UGT1A8: variants seen among roughly 807,000 people sequenced by gnomAD.
UGT1A8 encodes the protein UDP-glucuronosyltransferase 1A8.
Under a neutral mutation model 45.3 loss-of-function variants are expected in UGT1A8, and 39 were observed. The ratio of observed to expected loss-of-function variants is 0.86; its 90% CI spans 0.67 to 1.12. The LOEUF (loss-of-function observed/expected upper bound fraction) is 1.12, where lower values mean the gene tolerates loss of function less well. UGT1A8 is among the 50% of genes most tolerant of loss of function. The pLI is 0.00. For synonymous variants in UGT1A8, 275 were observed against 249.2 expected, an observed-to-expected ratio of 1.10 and a Z score of -0.97; for missense variants, 719 against 664.9, an observed-to-expected ratio of 1.08 and a Z score of -0.90.
chr2:233,621,880 A>G (rs1260683747), intron 1 of UGT1A8, among the ~76,000 whole-genome samples: 3 of 151,962 alleles, frequency 2.0e-5, no homozygotes, highest in Non-Finnish European at 4.4e-5. Flanking sequence ...TCCCTTCCTC[A>G]GCCCCCCACC....
At chr2:233,692,730 T>C in intron 1 of UGT1A8, 1 of 933,346 alleles carries the variant, frequency 1.1e-6, no homozygotes, top group Non-Finnish European at 1.4e-6. Flanking sequence ...CTATAACTTT[T>C]CAGAGAGGGA....
At chr2:233,658,641 C>T (rs999889906) in intron 1 of UGT1A8, among the ~76,000 whole-genome samples, 6 of 152,280 alleles carry the variant, frequency 3.9e-5, no homozygotes, top group African/African-American at 1.4e-4. Flanking sequence ...CATGGTTAGA[C>T]TGGGGTTATA....
intron 1 of UGT1A8, among the ~76,000 whole-genome samples, chr2:233,739,319 A>G (rs1691051030): frequency 3.3e-5 from 5 of 152,150 alleles, no homozygotes; most frequent in Admixed American, 3.3e-4. Flanking sequence ...AGTTGTGAGA[A>G]GAAGGCCACA....
intron 1 of UGT1A8, chr2:233,747,822 C>T (rs1361602523): frequency 6.2e-7 from 1 of 1,613,368 alleles, no homozygotes; most frequent in Non-Finnish European, 8.5e-7. Context: ...CAATTCAGAC[C>T]ACATGACATT....
chr2:233,727,656 C>T (rs982873405), intron 1 of UGT1A8, among the ~76,000 whole-genome samples: 1 of 152,148 alleles, frequency 6.6e-6, no homozygotes, highest in Non-Finnish European at 1.5e-5. Context: ...CTTTCTAGTG[C>T]TCTATGTCCT....
intron 1 of UGT1A8, among the ~76,000 whole-genome samples, chr2:233,622,692 T>C (rs141243969): frequency 2.0e-5 from 3 of 152,352 alleles, no homozygotes; most frequent in Admixed American, 2.0e-4. Context: ...TTCACTCTGA[T>C]GATAGTTTCT....
intron 1 of UGT1A8, among the ~76,000 whole-genome samples, chr2:233,722,626 G>T (rs1272001840): frequency 1.3e-5 from 2 of 152,128 alleles, no homozygotes; most frequent in African/African-American, 4.8e-5. Context: ...TCTTAATGAA[G>T]CATTGAGGGC....
In UGT1A8 at chr2:233,767,076, G is replaced by A. The variant is rs770930440; in HGVS notation, c.898G>A (p.Val300Met). The A allele has an allele frequency of 8.1e-6, 13 of 1,614,020 alleles. No individual in the cohort carries two copies. The highest frequency in any genetic ancestry group is 1.6e-4 in the Middle Eastern group (1 of 6,082). ...TAATGCTTCTGGAGAACATGGAATT[G>A]TGGTTTTCTCTTTGGGATCAATGGT... is the stretch of plus-strand genomic sequence containing the variant. ...YINASGEHGI[V>M]VFSLGSMVSE... is the part of the protein sequence containing the mutation. The change falls in exon 2 of 5, where the codon GTG becomes ATG. Residue 300 changes from valine (V) to methionine (M), a missense_variant. Val to Met is a conservative substitution (Grantham distance 21). Coordinates refer to ENST00000373450, the MANE Select transcript of UGT1A8 (RefSeq NM_019076.5).
intron 1 of UGT1A8, chr2:233,747,293 A>C (rs1693613348): frequency 3.7e-6 from 6 of 1,600,642 alleles, no homozygotes; most frequent in Non-Finnish European, 5.1e-6. Context: ...CCCTGGGCTG[A>C]GAGTGGGAAG....
chr2:233,770,760 A>G (rs1700148901), intron 4 of UGT1A8: 1 of 152,240 alleles, frequency 6.6e-6, no homozygotes, highest in Non-Finnish European at 1.5e-5. Context: ...CTAATATTAC[A>G]TTATAATAAT....
chr2:233,672,003 C>T lies in UGT1A8; in HGVS notation c.855+53441C>T, dbSNP rs138685396. The stretch of plus-strand genomic sequence containing the variant: ...GTCTGCTGCTGACCTGTGGCTTTGC[C>T]GAGGCAGGGAAGCTACTGGTAGTGC... On this transcript the variant is annotated intron_variant, in intron 1 of 4. Transcript: ENST00000373450. 2.4e-5 allele frequency: 39 copies of T among 1,614,064 alleles called. 1 individual carries two copies. Among genetic ancestry groups the T allele is most frequent in the South Asian group, 1.6e-4 (15 of 91,070 alleles).
At chr2:233,707,320 C>T (rs2075955377) in intron 1 of UGT1A8, among the ~76,000 whole-genome samples, 1 of 152,246 alleles carries the variant, frequency 6.6e-6, no homozygotes, top group East Asian at 1.9e-4. Flanking sequence ...CATAGCTAAA[C>T]ATGTGCCATG....
chr2:233,749,394 A>T (rs1364997409), intron 1 of UGT1A8, among the ~76,000 whole-genome samples: 1 of 151,918 alleles, frequency 6.6e-6, no homozygotes, highest in African/African-American at 2.4e-5. Flanking sequence ...CAATGTGAAC[A>T]TATTCTCTAG....
intron 1 of UGT1A8, among the ~76,000 whole-genome samples, chr2:233,695,910 T>C (rs893646691): frequency 2.0e-5 from 3 of 152,132 alleles, no homozygotes; most frequent in East Asian, 3.9e-4. Context: ...GGGTTTTTTT[T>C]CTCCACACAC....
chr2:233,671,851 C>T (rs2074201065), intron 1 of UGT1A8: 7 of 1,497,084 alleles, frequency 4.7e-6, no homozygotes, highest in South Asian at 1.4e-5. Context: ...CTATTGGGGT[C>T]AGGTTTTGTG....
At position 233,662,976 on chromosome 2, in the gene UGT1A8, G is replaced by GA. The variant is rs1359399843; in HGVS notation, c.855+44417dup. Among the ~76,000 whole-genome samples, 12 of 152,068 alleles carry GA rather than the reference G, an allele frequency of 7.9e-5. No homozygotes were observed. The East Asian group carries it at 2.3e-3, about 29-fold the overall frequency. ...TATTTATTTTATCATTAATTATGGT[G>GA]AAATACACATAGCATAAACCTTGTC... On this transcript the variant is annotated intron_variant, in intron 1 of 4. Transcript: ENST00000373450.
At chr2:233,659,882 C>T (rs955564905) in intron 1 of UGT1A8, among the ~76,000 whole-genome samples, 1 of 152,190 alleles carries the variant, frequency 6.6e-6, no homozygotes, top group Non-Finnish European at 1.5e-5. Context: ...TCTGACACTG[C>T]TTCTTCTGTA....
intron 1 of UGT1A8, among the ~76,000 whole-genome samples, chr2:233,683,670 A>G (rs181251858): frequency 6.6e-6 from 1 of 152,222 alleles, no homozygotes; most frequent in East Asian, 1.9e-4. Context: ...CATCTTTCTT[A>G]TTAACCTTTA....
intron 1 of UGT1A8, among the ~76,000 whole-genome samples, chr2:233,744,317 G>C (rs1444655221): frequency 6.6e-6 from 1 of 151,846 alleles, no homozygotes; most frequent in East Asian, 1.9e-4. Flanking sequence ...GAAGAGGGTG[G>C]TGGGAGTGAG....
Sources: gnomAD v4.1 joint callset for allele counts (sites outside exome capture counted in the v4.1 genomes callset) on GRCh38, gnomAD v4.1.1 for gene constraint, MANE v1.5 for transcripts, NCBI Gene and HGNC (gene_info 2026-07-23, HGNC 2026-07-21) for gene names.